The following AGAP6 variants were observed in gnomAD, a reference collection of about 807,000 sequenced individuals.
AGAP6 encodes arf-GAP with GTPase, ANK repeat and PH domain-containing protein 6.
In AGAP6, 29 loss-of-function variants were observed where a neutral mutation model predicts 63.9. That is an observed-to-expected ratio of 0.45 (90% CI 0.34 to 0.62). The LOEUF (loss-of-function observed/expected upper bound fraction) is 0.62, where lower values mean the gene tolerates loss of function less well. Ranked by LOEUF, AGAP6 falls within the 20% of genes least tolerant of loss-of-function variation. The probability of loss-of-function intolerance (pLI) is 0.01; values close to 1 mark genes in which losing one functional copy is unlikely to be tolerated. For synonymous variants in AGAP6, 199 were observed against 332.9 expected, an observed-to-expected ratio of 0.60 and a Z score of 4.38; for missense variants, 493 against 884.9, an observed-to-expected ratio of 0.56 and a Z score of 5.62.
intron 4 of AGAP6, among the ~76,000 whole-genome samples, chr10:49,997,862 G>A (rs1216187151): frequency 4.9e-5 from 7 of 144,088 alleles, no homozygotes; most frequent in Admixed American, 2.2e-4. Flanking sequence ...CAGCTCCCAC[G>A]TATGAAAGAG....
Position 49,991,758 on chromosome 10 carries a change from G to A in AGAP6, c.361+14G>A. The A allele has an allele frequency of 6.3e-7, 1 of 1,598,050 alleles. No individual in the cohort carries two copies. Among genetic ancestry groups the A allele is most frequent in the Non-Finnish European group, 8.5e-7 (1 of 1,179,720 alleles). ...CTCAAACAGATGGTGAGACGACATT[G>A]TCTTTTCCACCAAGAGAAAGAATAA... On this transcript the variant is annotated intron_variant, in intron 3 of 7. Coordinates refer to ENST00000412531, the MANE Select transcript of AGAP6 (RefSeq NM_001077665.3).
At chr10:50,001,954 T>A (rs782471612) in intron 4 of AGAP6, 42 bp from the exon 5 acceptor site, 6 of 1,606,644 alleles carry the variant, frequency 3.7e-6, no homozygotes, top group African/African-American at 2.7e-5. Context: ...GAGAAAATAA[T>A]ACACTTTGAT....
Position 49,991,699 on chromosome 10 carries a change from A to C in AGAP6, c.316A>C (p.Asn106His), listed in dbSNP as rs1304038144. The stretch of plus-strand genomic sequence containing the variant: ...AGCTTTGGAGTTTAACCCTTCTGCC[A>C]ATCCAGAGGCAAGCACAATATTCCA... ...TEALEFNPSANPEASTIFQRN... is the reference protein window; with the variant it reads ...TEALEFNPSAHPEASTIFQRN... Residue 106 changes from asparagine to histidine, a missense_variant, in exon 3 of 8, where the codon AAT becomes CAT. This residue lies in a region of AGAP6 where 342 missense variants were observed against 533.4 expected (regional missense o/e 0.64). Coordinates refer to ENST00000412531, the MANE Select transcript of AGAP6 (RefSeq NM_001077665.3). The C allele has an allele frequency of 2.5e-6, 4 of 1,598,586 alleles. No individual in the cohort carries two copies. Among genetic ancestry groups the C allele is most frequent in the East Asian group, 4.5e-5 (2 of 44,868 alleles).
chr10:49,992,460 G>A (rs1255571565), intron 3 of AGAP6, among the ~76,000 whole-genome samples: 1 of 152,124 alleles, frequency 6.6e-6, no homozygotes, highest in Non-Finnish European at 1.5e-5. Context: ...AGTAAAACAC[G>A]GGAGTTTGCA....
intron 4 of AGAP6, among the ~76,000 whole-genome samples, chr10:49,997,991 C>CATAT (rs4043250): frequency 0.011 from 1,416 of 124,212 alleles, 150 homozygotes; most frequent in African/African-American, 0.033. Flanking sequence ...TGGAATTCCT[C>CATAT]ATATATATAT....
chr10:50,006,082 A>G (rs1474219364), intron 6 of AGAP6, among the ~76,000 whole-genome samples: 2 of 151,918 alleles, frequency 1.3e-5, no homozygotes, highest in Non-Finnish European at 2.9e-5. Context: ...GGCATTTTAC[A>G]TATTAATAAA....
rs1429985973 is a variant in AGAP6 at position 49,988,457 on chromosome 10, A to G, written c.-259A>G. 8.1e-6 allele frequency: 11 copies of G among 1,353,742 alleles called. No homozygotes were observed. The highest frequency in any genetic ancestry group is 5.9e-5 in the Admixed American group (2 of 34,124). The allele number at this position is 1,353,742 out of a possible 1,614,324, so 83.9% of individuals were successfully genotyped here. Reference sequence around the variant, plus strand: ...TCTCTCAGCGCTTGTTGGTTTCACAACCTATTAAATAAGCCGGCTGGTCTT... The same window carrying G: ...TCTCTCAGCGCTTGTTGGTTTCACAGCCTATTAAATAAGCCGGCTGGTCTT... On this transcript the variant is annotated 5_prime_UTR_variant, in exon 1 of 8. Coordinates refer to ENST00000412531, the MANE Select transcript of AGAP6 (RefSeq NM_001077665.3).
chr10:49,991,030 T>G (rs1589082317), intron 2 of AGAP6, among the ~76,000 whole-genome samples: 1 of 152,116 alleles, frequency 6.6e-6, no homozygotes, highest in East Asian at 1.9e-4. Context: ...AAATGGCTCT[T>G]TATTGTCATT....
At chr10:49,989,135 C>A (rs1329065201) in intron 1 of AGAP6, among the ~76,000 whole-genome samples, 173 bp from the exon 2 acceptor site, 2 of 151,648 alleles carry the variant, frequency 1.3e-5, no homozygotes, top group Admixed American at 1.3e-4. Context: ...CAGTCAGTTT[C>A]TTTTCGCCTC....
intron 4 of AGAP6, among the ~76,000 whole-genome samples, chr10:50,001,014 C>T: frequency 6.6e-6 from 1 of 151,544 alleles, no homozygotes; most frequent in South Asian, 2.1e-4. Context: ...TTATTTAATA[C>T]ATTACATTTT....
rs557968505 is a variant in AGAP6, at chr10:49,999,106, C to T, written c.397-2890C>T. Among the ~76,000 whole-genome samples, 14 of 135,866 alleles carry T rather than the reference C, an allele frequency of 1.0e-4. 3 individuals carry two copies. Among genetic ancestry groups the T allele is most frequent in the South Asian group, 7.7e-4 (3 of 3,904 alleles). 89.1% of individuals were successfully genotyped at this position (135,866 alleles called of 152,430 possible). On this transcript the variant is annotated intron_variant, in intron 4 of 7. Transcript: ENST00000412531. ...TACAAAAGTTAGCCGGGTGTGGTGG[C>T]GCTCACCTGTAATCCCATCTACTCA...
At chr10:49,990,237 G>C (rs1352811244) in intron 2 of AGAP6, among the ~76,000 whole-genome samples, 1 of 152,054 alleles carries the variant, frequency 6.6e-6, no homozygotes, top group Non-Finnish European at 1.5e-5. Context: ...TCAGGAGTTC[G>C]AGACCAGCCT....
At chr10:49,997,991 C>CATATATATATATATAT (rs4043250) in intron 4 of AGAP6, among the ~76,000 whole-genome samples, 2 of 124,230 alleles carry the variant, frequency 1.6e-5, no homozygotes, top group African/African-American at 6.4e-5. Context: ...TGGAATTCCT[C>CATATATATATATATAT]ATATATATAT....
chr10:49,997,559 G>A (rs1465593754), intron 4 of AGAP6, among the ~76,000 whole-genome samples: 3 of 151,938 alleles, frequency 2.0e-5, no homozygotes, highest in Admixed American at 6.6e-5. Context: ...CTGCCCAAAA[G>A]GAGAGTGAAA....
intron 6 of AGAP6, among the ~76,000 whole-genome samples, chr10:50,005,306 A>G (rs1194335863): frequency 6.6e-6 from 1 of 152,204 alleles, no homozygotes; most frequent in Non-Finnish European, 1.5e-5. Flanking sequence ...TTTCTTTGCA[A>G]TTTGCTTTAA....
chr10:50,008,319 T>TA (rs1841984980), intron 7 of AGAP6, among the ~76,000 whole-genome samples: 1 of 140,770 alleles, frequency 7.1e-6, no homozygotes, highest in Non-Finnish European at 1.5e-5. Context: ...TTTTTTTTTT[T>TA]ATGGACTCTC....
chr10:49,993,725 C>G (rs1472627737), intron 3 of AGAP6, among the ~76,000 whole-genome samples: 4 of 150,236 alleles, frequency 2.7e-5, no homozygotes, highest in African/African-American at 9.8e-5. Context: ...GAGGCTAAGG[C>G]TGAAGAATTG....
chr10:49,989,377 G>T lies in AGAP6; in HGVS notation c.292+1G>T, dbSNP rs1554860367. The stretch of plus-strand genomic sequence containing the variant: ...TTCCAGAGGAACTCTCAAACAGAAG[G>T]TGAGACAACAGTGTCTGTAGCTCTA... On this transcript the variant is annotated splice_donor_variant, in intron 2 of 7. Transcript: ENST00000412531. LOFTEE classifies it high-confidence loss of function. 6.3e-7 allele frequency: 1 copy of T among 1,597,316 alleles called. No individual in the cohort carries two copies. Among genetic ancestry groups the T allele is most frequent in the African/African-American group, 1.3e-5 (1 of 74,816 alleles).
chr10:50,003,887 C>G (rs1471123725), intron 5 of AGAP6, among the ~76,000 whole-genome samples: 1 of 152,178 alleles, frequency 6.6e-6, no homozygotes, highest in Non-Finnish European at 1.5e-5. Context: ...AAAATTATTT[C>G]AGAGATGAAA....
Sources: allele counts gnomAD v4.1 joint callset (sites outside exome capture counted in the v4.1 genomes callset), GRCh38; gene constraint gnomAD v4.1.1; regional missense constraint gnomAD v4.1.1; transcripts MANE v1.5; gene names NCBI Gene and HGNC (gene_info 2026-07-23, HGNC 2026-07-21).